The following ACTL6B variants were observed in gnomAD, a reference collection of about 807,000 sequenced individuals.
The protein encoded by ACTL6B is actin-like protein 6B.
In ACTL6B, 48 loss-of-function variants were observed where a neutral mutation model predicts 63.3. That is an observed-to-expected ratio of 0.76 (90% confidence interval 0.60 to 0.96). The LOEUF is 0.96. ACTL6B is among the 50% of genes least tolerant of loss of function. The pLI, the probability that ACTL6B is intolerant of heterozygous loss-of-function variation, is 0.00. For missense variants in ACTL6B, 350 were observed against 572.2 expected (o/e 0.61, Z 3.96); for synonymous variants, 230 against 223.8 (o/e 1.03, Z -0.25).
Position 100,647,584 on chromosome 7 carries a change from C to T in ACTL6B, c.670-51G>A, listed in dbSNP as rs1803849046. ...CCTTTCCTAGCCCACCTGACCCCCA[C>T]CCCCACCTTCCTGGCACTGTTCCCA... On this transcript the variant is annotated intron_variant, in intron 7 of 13. Transcript: ENST00000160382. The surrounding 1 kb of genome is among the most constrained non-coding windows in gnomAD (Gnocchi z 4.4). 4 of 1,347,932 alleles carry T rather than the reference C, an allele frequency of 3.0e-6. No homozygotes were observed. The highest frequency in any genetic ancestry group is 2.7e-5 in the South Asian group (2 of 73,216). 83.5% of individuals were successfully genotyped at this position (1,347,932 alleles called of 1,614,324 possible).
chr7:100,651,545 C>A (rs1803940554), intron 4 of ACTL6B, among the ~76,000 whole-genome samples: 1 of 146,698 alleles, frequency 6.8e-6, no homozygotes. Context: ...AGTGACACTT[C>A]ATCTCAAAAA....
chr7:100,647,892 G>A lies in ACTL6B; in HGVS notation c.670-359C>T, dbSNP rs538191547. 5.9e-5 allele frequency among the ~76,000 whole-genome samples: 9 copies of A among 151,684 alleles called. No homozygotes were observed. In the East Asian group the frequency reaches 7.7e-4, roughly 13 times the overall value. The stretch of plus-strand genomic sequence containing the variant: ...AGCACCCTGGCTACTGCCTACTGCC[G>A]TTCCACTTTACATAAGACAAACCTG... On this transcript the variant is annotated intron_variant, in intron 7 of 13. Transcript: ENST00000160382. This position sits in a 1 kb window ranked among gnomAD's most constrained non-coding sequence, Gnocchi z 4.4.
Position 100,648,688 on chromosome 7 carries a change from TG to T in ACTL6B, c.563-27del. ...CTAGAAGGAAGGCACTGTCAGGACC[TG>T]GTCCTCCTGGAGCACCCCCACCCCC... is the stretch of plus-strand genomic sequence containing the variant. On this transcript the variant is annotated intron_variant, in intron 6 of 13. Transcript: ENST00000160382. This position sits in a 1 kb window ranked among gnomAD's most constrained non-coding sequence, Gnocchi z 4.4. 2 of 1,613,178 alleles carry T rather than the reference TG, an allele frequency of 1.2e-6. No individual in the cohort carries two copies. Among genetic ancestry groups the T allele is most frequent in the Non-Finnish European group, 1.7e-6 (2 of 1,179,470 alleles).
Position 100,655,299 on chromosome 7 carries a change from T to C in ACTL6B, c.268+122A>G. On this transcript the variant is annotated intron_variant, in intron 3 of 13. Coordinates refer to ENST00000160382, the MANE Select transcript of ACTL6B (RefSeq NM_016188.5). This position sits in a 1 kb window ranked among gnomAD's most constrained non-coding sequence, Gnocchi z 4.4. ...GAAGGGAACCCAGCGAGAAGAACCC[T>C]GGCAGCCAGAAGAACCCTGGGGCTG... 7.6e-7 allele frequency: 1 copy of C among 1,322,848 alleles called. No homozygotes were observed. The highest frequency in any genetic ancestry group is 1.4e-5 in the South Asian group (1 of 73,088). The allele number at this position is 1,322,848 out of a possible 1,614,324, so 81.9% of individuals were successfully genotyped here. A position where few individuals can be genotyped will look rare whatever the true frequency, so the allele number is the denominator to read the frequency against.
At chr7:100,643,382 G>T in intron 13 of ACTL6B, 56 bp from the exon 14 acceptor site, 1 of 1,582,858 alleles carries the variant, frequency 6.3e-7, no homozygotes, top group Non-Finnish European at 8.7e-7. Context: ...GGTGTGGACA[G>T]GCAGGTGCAG....
Position 100,655,275 on chromosome 7 carries a change from A to C in ACTL6B, c.268+146T>G. 1 of 1,232,194 alleles carries C rather than the reference A, an allele frequency of 8.1e-7. No individual in the cohort carries two copies. The highest frequency in any genetic ancestry group is 1.1e-6 in the Non-Finnish European group (1 of 874,480). 76.3% of individuals were successfully genotyped at this position (1,232,194 alleles called of 1,614,324 possible). A position where few individuals can be genotyped will look rare whatever the true frequency, so the allele number is the denominator to read the frequency against. ...CCCAGAAACCTGGTGGGCCCCTGGG[A>C]AGGGAACCCAGCGAGAAGAACCCTG... On this transcript the variant is annotated intron_variant, in intron 3 of 13. Transcript: ENST00000160382. This position sits in a 1 kb window ranked among gnomAD's most constrained non-coding sequence, Gnocchi z 4.4.
chr7:100,643,315 C>T lies in ACTL6B; in HGVS notation c.1212G>A (p.Gln404=). Residue 404 remains glutamine, a synonymous_variant, in exon 14 of 14, where the codon CAG becomes CAA. Transcript: ENST00000160382. The part of the protein sequence containing the change: ...GSILASLGTF[Q]QMWISKQEYE... ...ATTCCTGCTTGGAGATCCACATCTG[C>T]TGGAAAGTGCCCTGGGTGGAGGGGG... 6.2e-7 allele frequency: 1 copy of T among 1,613,774 alleles called. No homozygotes were observed. The highest frequency in any genetic ancestry group is 1.1e-5 in the South Asian group (1 of 91,072).
chr7:100,648,541 C>A lies in ACTL6B; in HGVS notation c.669+15G>T. On this transcript the variant is annotated intron_variant, in intron 7 of 13. Transcript: ENST00000160382. The surrounding 1 kb of genome is among the most constrained non-coding windows in gnomAD (Gnocchi z 4.4). Reference sequence around the variant, plus strand: ...CAGGACTCTAGTGGCAGCTCCATGTCCCCAGAGGCCCCACCTTGGCTGCGA... The same window carrying A: ...CAGGACTCTAGTGGCAGCTCCATGTACCCAGAGGCCCCACCTTGGCTGCGA... 2 of 1,576,932 alleles carry A rather than the reference C, an allele frequency of 1.3e-6. No homozygotes were observed. The highest frequency in any genetic ancestry group is 2.3e-5 in the South Asian group (2 of 85,468).
intron 4 of ACTL6B, 144 bp from the exon 5 acceptor site, chr7:100,650,279 C>T: frequency 1.5e-6 from 1 of 664,978 alleles, no homozygotes; most frequent in Non-Finnish European, 2.7e-6. Context: ...ACAACCTAAA[C>T]ACTCACACAT....
rs1411414604 is a variant in ACTL6B at position 100,655,689 on chromosome 7, C to T, written c.103-103G>A. The T allele has an allele frequency of 6.6e-7, 1 of 1,513,350 alleles. No homozygotes were observed. The highest frequency in any genetic ancestry group is 1.3e-5 in the South Asian group (1 of 79,026). 93.7% of individuals were successfully genotyped at this position (1,513,350 alleles called of 1,614,324 possible). On this transcript the variant is annotated intron_variant, in intron 2 of 13. Transcript: ENST00000160382. This position sits in a 1 kb window ranked among gnomAD's most constrained non-coding sequence, Gnocchi z 4.4. ...CCTCAGACCGCCCCTGGGTTTATTC[C>T]CATATTCCCGCTCAGCAGAGCTTCT...
rs942935993 is a variant in ACTL6B, at chr7:100,648,996, T to TC, written c.468-174dup. On this transcript the variant is annotated intron_variant, in intron 5 of 13. Coordinates refer to ENST00000160382, the MANE Select transcript of ACTL6B (RefSeq NM_016188.5). The surrounding 1 kb of genome is among the most constrained non-coding windows in gnomAD (Gnocchi z 4.4). ...GAAAGGCTCTGAGACCCCAGTTACT[T>TC]CTTTTTTTTTTTTTTTGAGATGGAG... Among the ~76,000 whole-genome samples, 1 of 142,840 alleles carries TC rather than the reference T, an allele frequency of 7.0e-6. No homozygotes were observed. The highest frequency in any genetic ancestry group is 2.5e-5 in the African/African-American group (1 of 39,380). The allele number at this position is 142,840 out of a possible 152,430, so 93.7% of individuals were successfully genotyped here. A position where few individuals can be genotyped will look rare whatever the true frequency, so the allele number is the denominator to read the frequency against.
At position 100,647,207 on chromosome 7, in the gene ACTL6B, C is replaced by T; in HGVS notation, c.821+16G>A. ...TCTGCCCTCTCTCCCACCCCAAAGC[C>T]CTGAGCCACACTCACTGTTCATCGT... On this transcript the variant is annotated intron_variant, in intron 9 of 13. Transcript: ENST00000160382. This position sits in a 1 kb window ranked among gnomAD's most constrained non-coding sequence, Gnocchi z 4.4. 6.2e-7 allele frequency: 1 copy of T among 1,613,550 alleles called. No homozygotes were observed. The highest frequency in any genetic ancestry group is 8.5e-7 in the Non-Finnish European group (1 of 1,179,910).
In ACTL6B at chr7:100,646,976, C is replaced by G; in HGVS notation, c.931G>C (p.Val311Leu). The G allele has an allele frequency of 6.2e-7, 1 of 1,613,856 alleles. No homozygotes were observed. Among genetic ancestry groups the G allele is most frequent in the Non-Finnish European group, 8.5e-7 (1 of 1,179,908 alleles). The change falls in exon 10 of 14, where the codon GTC becomes CTC. Residue 311 changes from valine to leucine, a missense_variant. Val to Leu is a conservative substitution (Grantham distance 32). Transcript: ENST00000160382. This position sits in a 1 kb window ranked among gnomAD's most constrained non-coding sequence, Gnocchi z 6.1. ...TCCTCGCCACACAGCCAAACCTTGACGTTCGAGGGATCAAACAGGCCCTCA... is the reference window on the plus strand; with the variant it reads ...TCCTCGCCACACAGCCAAACCTTGAGGTTCGAGGGATCAAACAGGCCCTCA... ...IPEGLFDPSN[V>L]KGLSGNTMLG... is the part of the protein sequence containing the mutation.
chr7:100,649,027 C>T (rs1173225048), intron 5 of ACTL6B, among the ~76,000 whole-genome samples: 1 of 147,906 alleles, frequency 6.8e-6, no homozygotes, highest in Non-Finnish European at 1.5e-5. Flanking sequence ...TGGAGTCTTG[C>T]TGTCTCCCAG....
intron 4 of ACTL6B, among the ~76,000 whole-genome samples, chr7:100,653,860 T>C (rs773759115): frequency 1.3e-5 from 2 of 152,146 alleles, no homozygotes; most frequent in Non-Finnish European, 2.9e-5. Context: ...AGTGTAGTAT[T>C]AGAGATATGG....
At chr7:100,650,966 A>G (rs914843699) in intron 4 of ACTL6B, among the ~76,000 whole-genome samples, 13 of 152,332 alleles carry the variant, frequency 8.5e-5, no homozygotes, top group Middle Eastern at 3.4e-3. Flanking sequence ...GAATGAAGAG[A>G]CATACTAAGT....
intron 13 of ACTL6B, among the ~76,000 whole-genome samples, chr7:100,645,436 C>T (rs1803802889): frequency 1.3e-5 from 2 of 152,152 alleles, no homozygotes; most frequent in Admixed American, 6.5e-5. Flanking sequence ...AAAACAGCCT[C>T]CTTGTAAGGT....
In ACTL6B at chr7:100,655,768, C is replaced by T. The variant is rs771098886; in HGVS notation, c.102+35G>A. On this transcript the variant is annotated intron_variant, in intron 2 of 13. Coordinates refer to ENST00000160382, the MANE Select transcript of ACTL6B (RefSeq NM_016188.5). This position sits in a 1 kb window ranked among gnomAD's most constrained non-coding sequence, Gnocchi z 4.4. ...GGAAAGCCTGAAGAAGGGTCCGAAG[C>T]CCCTAGGATTTGGAGAGGAGACTGG... The T allele has an allele frequency of 7.7e-6, 12 of 1,551,080 alleles. No homozygotes were observed. The Admixed American group carries it at 1.2e-4, about 15-fold the overall frequency.
chr7:100,655,542 C>T lies in ACTL6B; in HGVS notation c.147G>A (p.Gly49=), dbSNP rs983868020. 97 of 1,613,864 alleles carry T rather than the reference C, an allele frequency of 6.0e-5. No individual in the cohort carries two copies. Among genetic ancestry groups the T allele is most frequent in the Non-Finnish European group, 8.1e-5 (95 of 1,179,892 alleles). Residue 49 remains glycine (G), a synonymous_variant, in exon 3 of 14, where the codon GGG becomes GGA. Transcript: ENST00000160382. The surrounding 1 kb of genome is among the most constrained non-coding windows in gnomAD (Gnocchi z 4.4). Reference sequence around the variant, plus strand: ...TGTCCCCCTCCAGCTCCAGCCCGCCCCCCTCCTCCGCGGCCAGCAGCCCCA... The same window carrying T: ...TGTCCCCCTCCAGCTCCAGCCCGCCTCCCTCCTCCGCGGCCAGCAGCCCCA... ...TTVGLLAAEE[G]GGLELEGDKE...
Sources: allele counts gnomAD v4.1 joint callset (sites outside exome capture counted in the v4.1 genomes callset), GRCh38; gene constraint gnomAD v4.1.1; non-coding constraint Gnocchi (gnomAD v3.1); transcripts MANE v1.5; gene names NCBI Gene and HGNC (gene_info 2026-07-23, HGNC 2026-07-21).